KCNT2: variants seen among roughly 807,000 people sequenced by gnomAD.
KCNT2 encodes the protein potassium channel subfamily T member 2.
A neutral mutation model predicts 153.8 loss-of-function variants in KCNT2; 67 were observed. The observed-to-expected ratio is 0.44, with a 90% CI of 0.36 to 0.53. The LOEUF is 0.53. Ranked by LOEUF, KCNT2 falls within the 20% of genes least tolerant of loss-of-function variation. The pLI is 0.00. For synonymous variants in KCNT2, 500 were observed against 458.8 expected (o/e 1.09, Z -1.15); for missense variants, 975 against 1,354.8 (o/e 0.72, Z 4.40).
At chr1:196,375,985 T>C (rs893209678) in intron 13 of KCNT2, among the ~76,000 whole-genome samples, 1 of 151,828 alleles carries the variant, frequency 6.6e-6, no homozygotes, top group Non-Finnish European at 1.5e-5. Flanking sequence ...ATCTGAAAAA[T>C]AGAACTGCTT....
Position 196,331,234 on chromosome 1 carries a change from A to G in KCNT2, c.2025T>C (p.Ser675=). Reference sequence around the variant, plus strand: ...AAGTGGGTGAACTTCCTATATATGGAGAATAAGGTGGGTAACCTTTAGCAT... The same window carrying G: ...AAGTGGGTGAACTTCCTATATATGGGGAATAAGGTGGGTAACCTTTAGCAT... ...LEYAKGYPPY[S]PYIGSSPTFC... Residue 675 remains serine (S), a synonymous_variant, in exon 18 of 28, where the codon TCT becomes TCC. Coordinates refer to ENST00000294725, the MANE Select transcript of KCNT2 (RefSeq NM_198503.5). The G allele has an allele frequency of 6.2e-7, 1 of 1,601,746 alleles. No homozygotes were observed. Among genetic ancestry groups the G allele is most frequent in the Non-Finnish European group, 8.6e-7 (1 of 1,169,044 alleles).
At chr1:196,448,829 C>T (rs946899757) in intron 8 of KCNT2, among the ~76,000 whole-genome samples, 1 of 151,476 alleles carries the variant, frequency 6.6e-6, no homozygotes, top group Non-Finnish European at 1.5e-5. Flanking sequence ...TTCTACCTAA[C>T]GACACTCTAG....
intron 12 of KCNT2, among the ~76,000 whole-genome samples, chr1:196,404,819 G>A (rs1352301514): frequency 6.6e-6 from 1 of 151,592 alleles, no homozygotes; most frequent in East Asian, 1.9e-4. Context: ...GCATTCATTT[G>A]CATATCACAG....
At chr1:196,479,271 G>T in intron 4 of KCNT2, 33 bp from the exon 5 acceptor site, 1 of 1,244,576 alleles carries the variant, frequency 8.0e-7, no homozygotes, top group Non-Finnish European at 1.2e-6. Flanking sequence ...ATGAGAAAAC[G>T]CAATACAATT....
chr1:196,557,984 C>A (rs1658899550), intron 1 of KCNT2, among the ~76,000 whole-genome samples: 1 of 151,312 alleles, frequency 6.6e-6, no homozygotes, highest in Non-Finnish European at 1.5e-5. Flanking sequence ...TGAGAAGTTG[C>A]ACAACCTGAC....
At chr1:196,503,712 G>A (rs1213527702) in intron 1 of KCNT2, among the ~76,000 whole-genome samples, 3 of 152,112 alleles carry the variant, frequency 2.0e-5, no homozygotes, top group Non-Finnish European at 4.4e-5. Context: ...CAACAGATGA[G>A]AGTTATTTGT....
intron 1 of KCNT2, among the ~76,000 whole-genome samples, chr1:196,504,082 GT>G (rs1433807224): frequency 6.6e-6 from 1 of 151,980 alleles, no homozygotes; most frequent in South Asian, 2.1e-4. Flanking sequence ...ATACAAATGG[GT>G]TTTTTTAATT....
intron 1 of KCNT2, among the ~76,000 whole-genome samples, chr1:196,575,682 T>C (rs527369862): frequency 2.1e-4 from 31 of 150,012 alleles, no homozygotes; most frequent in Non-Finnish European, 1.5e-5. Context: ...TCGAACTGTC[T>C]TCTCAGTTTA....
At chr1:196,540,682 T>C (rs1047688332) in intron 1 of KCNT2, among the ~76,000 whole-genome samples, 1 of 152,194 alleles carries the variant, frequency 6.6e-6, no homozygotes, top group African/African-American at 2.4e-5. Context: ...TGTATAAAAA[T>C]TATATCCCAA....
chr1:196,352,057 A>G (rs1379731347), intron 14 of KCNT2, among the ~76,000 whole-genome samples: 1 of 152,150 alleles, frequency 6.6e-6, no homozygotes, highest in Admixed American at 6.6e-5. Flanking sequence ...GATGAAGCCC[A>G]CTTGACCATG....
chr1:196,317,624 G>A (rs1319675675), intron 20 of KCNT2, among the ~76,000 whole-genome samples: 1 of 151,530 alleles, frequency 6.6e-6, no homozygotes, highest in Admixed American at 6.6e-5. Context: ...TATAGGAAAA[G>A]GAAAGGATAG....
At chr1:196,493,326 TC>T (rs1437883400) in intron 1 of KCNT2, among the ~76,000 whole-genome samples, 1 of 141,158 alleles carries the variant, frequency 7.1e-6, no homozygotes, top group Non-Finnish European at 1.5e-5. Flanking sequence ...GGTTTGGGGG[TC>T]TTTTTTTTGG....
intron 1 of KCNT2, among the ~76,000 whole-genome samples, chr1:196,506,189 G>T (rs1681122576): frequency 6.6e-6 from 1 of 152,120 alleles, no homozygotes; most frequent in South Asian, 2.1e-4. Flanking sequence ...ATATGCATTT[G>T]ATTACCAGGT....
At chr1:196,358,438 T>A (rs1033730871) in intron 14 of KCNT2, among the ~76,000 whole-genome samples, 2 of 151,868 alleles carry the variant, frequency 1.3e-5, no homozygotes, top group African/African-American at 2.4e-5. Context: ...CAGAATCATG[T>A]TCAACAGAAA....
chr1:196,271,789 C>G (rs1204412774), intron 25 of KCNT2, among the ~76,000 whole-genome samples: 4 of 151,872 alleles, frequency 2.6e-5, no homozygotes, highest in Non-Finnish European at 5.9e-5. Flanking sequence ...TCAGTGAACA[C>G]AGCTGTGCTT....
intron 1 of KCNT2, among the ~76,000 whole-genome samples, chr1:196,514,215 A>C (rs1681870484): frequency 6.6e-6 from 1 of 152,226 alleles, no homozygotes; most frequent in Admixed American, 6.5e-5. Flanking sequence ...AGTACTCAAT[A>C]CATTTGCTGA....
chr1:196,435,135 GTATGTATA>G lies in KCNT2; in HGVS notation c.639-5386_639-5379del, dbSNP rs1460382734. On this transcript the variant is annotated intron_variant, in intron 8 of 27. Coordinates refer to ENST00000294725, the MANE Select transcript of KCNT2 (RefSeq NM_198503.5). ...GCAATAGATACTTATGTGTGTGTGTGTATGTATATATATATATATATATATATATATAT... is the reference window on the plus strand; with the variant it reads ...GCAATAGATACTTATGTGTGTGTGTGTATATATATATATATATATATATAT... Among the ~76,000 whole-genome samples the G allele has an allele frequency of 1.4e-3, 111 of 76,858 alleles. 1 individual carries two copies. The highest frequency in any genetic ancestry group is 3.8e-3 in the African/African-American group (78 of 20,746). 50.4% of individuals were successfully genotyped at this position (76,858 alleles called of 152,430 possible). A position where few individuals can be genotyped will look rare whatever the true frequency, so the allele number is the denominator to read the frequency against.
intron 14 of KCNT2, among the ~76,000 whole-genome samples, chr1:196,361,208 C>G (rs895776675): frequency 1.3e-5 from 2 of 151,870 alleles, no homozygotes; most frequent in African/African-American, 2.4e-5. Context: ...ACACCAGACA[C>G]ACACACACAC....
chr1:196,342,213 C>T lies in KCNT2; in HGVS notation c.1419G>A (p.Ser473=), dbSNP rs758788707. 1.7e-5 allele frequency: 27 copies of T among 1,610,762 alleles called. No individual in the cohort carries two copies. The highest frequency in any genetic ancestry group is 2.2e-5 in the East Asian group (1 of 44,734). ...HTSRGQEGQQ[S]PEQWQKMYGR... ...CGTACATCTTCTGCCATTGTTCTGG[C>T]GATTGCTGGCCTTCTCTGCAACACA... The change falls in exon 15 of 28, where the codon TCG becomes TCA. Residue 473 remains serine (S), a synonymous_variant. Transcript: ENST00000294725.
Sources: gnomAD v4.1 joint callset for allele counts (sites outside exome capture counted in the v4.1 genomes callset) on GRCh38, gnomAD v4.1.1 for gene constraint, MANE v1.5 for transcripts, NCBI Gene and HGNC (gene_info 2026-07-23, HGNC 2026-07-21) for gene names.